Variants in ABCB1 observed in about 807,000 individuals in gnomAD.
ABCB1 encodes ATP-dependent translocase ABCB1.
A neutral mutation model predicts 142.0 loss-of-function variants in ABCB1; 69 were observed. The observed-to-expected ratio is 0.49, with a 90% CI of 0.40 to 0.59. ABCB1 has a LOEUF of 0.59. Ranked by LOEUF, ABCB1 falls within the 20% of genes least tolerant of loss-of-function variation. ABCB1 has a pLI of 0.00. For synonymous variants in ABCB1, 532 were observed against 539.2 expected (o/e 0.99, Z 0.18); for missense variants, 1,326 against 1,554.7 (o/e 0.85, Z 2.47).
intron 1 of ABCB1, among the ~76,000 whole-genome samples, chr7:87,665,143 C>A (rs1393676473): frequency 6.6e-6 from 1 of 152,054 alleles, no homozygotes; most frequent in Non-Finnish European, 1.5e-5. Context: ...CAAGTTAGAA[C>A]ATAAGAAGTT....
chr7:87,663,737 G>A (rs1824944657), intron 1 of ABCB1, among the ~76,000 whole-genome samples: 1 of 152,114 alleles, frequency 6.6e-6, no homozygotes, highest in Non-Finnish European at 1.5e-5. Flanking sequence ...CATACTGAGA[G>A]GCTTAAGTAA....
intron 1 of ABCB1, among the ~76,000 whole-genome samples, chr7:87,633,437 T>C (rs1381130770): frequency 6.6e-6 from 1 of 152,222 alleles, no homozygotes; most frequent in Non-Finnish European, 1.5e-5. Flanking sequence ...GTGGTTGCCC[T>C]TGGAGACTCT....
At chr7:87,679,486 C>A (rs1826712998) in intron 1 of ABCB1, among the ~76,000 whole-genome samples, 1 of 149,868 alleles carries the variant, frequency 6.7e-6, no homozygotes, top group African/African-American at 2.5e-5. Context: ...CATCCCCAAG[C>A]TCAAATGATT....
At chr7:87,628,631 C>T (rs1820861253) in intron 1 of ABCB1, 1 of 364,260 alleles carries the variant, frequency 2.7e-6, no homozygotes, top group Non-Finnish European at 4.8e-6. Context: ...GTGTGGAGCT[C>T]GGGTGCCAAG....
At chr7:87,665,278 C>T (rs1338965066) in intron 1 of ABCB1, among the ~76,000 whole-genome samples, 3 of 152,002 alleles carry the variant, frequency 2.0e-5, no homozygotes, top group Admixed American at 2.0e-4. Flanking sequence ...AAATAAGTTA[C>T]ATTTTTATAT....
chr7:87,626,327 A>G lies in ABCB1; in HGVS notation c.-330-25249T>C, dbSNP rs1286800428. ...TATATGTGTCGTATATGTGTCATAT[A>G]TATGTGTCGTATATGTGTCATATAT... On this transcript the variant is annotated intron_variant, in intron 1 of 28. Coordinates refer to the ABCB1 transcript ENST00000265724. 4.0e-4 allele frequency among the ~76,000 whole-genome samples: 14 copies of G among 35,108 alleles called. 4 individuals are homozygous for G. In the South Asian group the frequency reaches 0.012, roughly 30 times the overall value. 23.0% of individuals were successfully genotyped at this position (35,108 alleles called of 152,430 possible).
chr7:87,701,814 T>A (rs1052456516), intron 1 of ABCB1, among the ~76,000 whole-genome samples: 5 of 152,148 alleles, frequency 3.3e-5, no homozygotes, highest in Non-Finnish European at 7.3e-5. Context: ...TCTAATTATC[T>A]TGTAAAGACA....
intron 21 of ABCB1, among the ~76,000 whole-genome samples, chr7:87,530,394 C>T (rs765319885): frequency 2.0e-5 from 3 of 152,022 alleles, no homozygotes; most frequent in Non-Finnish European, 4.4e-5. Flanking sequence ...AGCTTGAATC[C>T]CAGCTCCAAG....
At chr7:87,505,143 T>C (rs1395761493) in intron 27 of ABCB1, among the ~76,000 whole-genome samples, 1 of 152,076 alleles carries the variant, frequency 6.6e-6, no homozygotes, top group African/African-American at 2.4e-5. Flanking sequence ...ATTTTATTTT[T>C]TGTAGAGACA....
chr7:87,608,085 A>G (rs1371647525), intron 1 of ABCB1, among the ~76,000 whole-genome samples: 1 of 151,330 alleles, frequency 6.6e-6, no homozygotes, highest in East Asian at 2.0e-4. Context: ...ATATGATTTT[A>G]ATGTCCTCAA....
In ABCB1 at chr7:87,658,071, A is replaced by T. The variant is rs549774400; in HGVS notation, c.-331+55090T>A. Among the ~76,000 whole-genome samples, 7 of 152,342 alleles carry T rather than the reference A, an allele frequency of 4.6e-5. No homozygotes were observed. In the East Asian group the frequency reaches 1.3e-3, roughly 29 times the overall value. ...TTGCATAATAAAAGATAGTCAATAG[A>T]TGTCAACACTGAGATGACAGAGGTG... On this transcript the variant is annotated intron_variant, in intron 1 of 28. Coordinates refer to the ABCB1 transcript ENST00000265724.
At chr7:87,652,488 T>C (rs1276486004) in intron 1 of ABCB1, among the ~76,000 whole-genome samples, 1 of 151,752 alleles carries the variant, frequency 6.6e-6, no homozygotes, top group Non-Finnish European at 1.5e-5. Flanking sequence ...GAATCCCCAG[T>C]TGATTTATGG....
At chr7:87,703,794 T>TTTACTTAC (rs1216800015) in intron 1 of ABCB1, among the ~76,000 whole-genome samples, 9 of 149,004 alleles carry the variant, frequency 6.0e-5, no homozygotes, top group African/African-American at 1.2e-4. Flanking sequence ...TTTTAATTCA[T>TTTACTTAC]TTACTTACTT....
intron 21 of ABCB1, chr7:87,522,128 G>T: frequency 2.2e-6 from 3 of 1,362,618 alleles, no homozygotes; most frequent in Non-Finnish European, 3.1e-6. Flanking sequence ...GGAAACTTCA[G>T]TGGTCATTGT....
At chr7:87,580,511 G>C (rs1253269645) in intron 4 of ABCB1, among the ~76,000 whole-genome samples, 1 of 152,044 alleles carries the variant, frequency 6.6e-6, no homozygotes, top group Non-Finnish European at 1.5e-5. Flanking sequence ...GAATTTGATT[G>C]TTAAATATCT....
At chr7:87,521,911 G>A in intron 21 of ABCB1, 1 of 776,582 alleles carries the variant, frequency 1.3e-6, no homozygotes, top group South Asian at 1.3e-5. Context: ...CTTTGCTTTA[G>A]TAACTTTTGA....
intron 1 of ABCB1, among the ~76,000 whole-genome samples, chr7:87,688,478 A>C (rs1183522587): frequency 6.6e-6 from 1 of 151,840 alleles, no homozygotes; most frequent in Non-Finnish European, 1.5e-5. Context: ...TCTGTTCATG[A>C]CTTTTGCCTA....
At chr7:87,611,835 C>A (rs990665495) in intron 1 of ABCB1, among the ~76,000 whole-genome samples, 5 of 152,056 alleles carry the variant, frequency 3.3e-5, no homozygotes, top group Admixed American at 6.6e-5. Flanking sequence ...ATTTTCATAG[C>A]ATGCTGCAGA....
At chr7:87,574,719 A>G (rs968085497) in intron 4 of ABCB1, among the ~76,000 whole-genome samples, 2 of 152,196 alleles carry the variant, frequency 1.3e-5, no homozygotes, top group African/African-American at 4.8e-5. Context: ...TGAATAAACT[A>G]AAGTATTACA....
Sources: allele counts gnomAD v4.1 joint callset (sites outside exome capture counted in the v4.1 genomes callset), GRCh38; gene constraint gnomAD v4.1.1; transcripts MANE v1.5; gene names NCBI Gene and HGNC (gene_info 2026-07-23, HGNC 2026-07-21).